MAML1: variants seen among roughly 807,000 people sequenced by gnomAD.
The protein encoded by MAML1 is mastermind-like protein 1.
MAML1 carries 14 observed loss-of-function variants against 77.1 expected under a neutral mutation model. The ratio of observed to expected loss-of-function variants is 0.18; its 90% CI spans 0.12 to 0.28. MAML1 has a LOEUF of 0.28. Ranked by LOEUF, MAML1 falls within the 10% of genes least tolerant of loss-of-function variation. The probability of loss-of-function intolerance (pLI) is 1.00; values close to 1 mark genes in which losing one functional copy is unlikely to be tolerated. For missense variants in MAML1, 1,217 were observed against 1,327.8 expected (o/e 0.92, Z 1.30); for synonymous variants, 516 against 551.9 (o/e 0.93, Z 0.91).
rs996533807 is a variant in MAML1 at position 179,768,782 on chromosome 5, C to G, written c.1732-68C>G. ...GCTTCAAGAGAGTGAACCTTGAATTCACTGGATGGAGCTTATTTGGTCTGA... is the reference window on the plus strand; with the variant it reads ...GCTTCAAGAGAGTGAACCTTGAATTGACTGGATGGAGCTTATTTGGTCTGA... On this transcript the variant is annotated intron_variant, in intron 2 of 4. Transcript: ENST00000292599. 3 of 1,571,836 alleles carry G rather than the reference C, an allele frequency of 1.9e-6. No homozygotes were observed. In the East Asian group the frequency reaches 6.8e-5, roughly 35 times the overall value.
Position 179,765,522 on chromosome 5 carries a change from A to C in MAML1, c.512A>C (p.Asp171Ala). The C allele has an allele frequency of 6.2e-7, 1 of 1,614,000 alleles. No individual in the cohort carries two copies. Among genetic ancestry groups the C allele is most frequent in the Non-Finnish European group, 8.5e-7 (1 of 1,179,964 alleles). The change falls in exon 2 of 5, where the codon GAC becomes GCC. Residue 171 changes from aspartate to alanine, a missense_variant. Physicochemically the swap from Asp to Ala is moderately radical, Grantham distance 126. This residue lies in a region of MAML1 where 312 missense variants were observed against 331.4 expected (regional missense o/e 0.94). Transcript: ENST00000292599. ...LGQSDKPSGA[D>A]ALQSSGKHSL... The stretch of plus-strand genomic sequence containing the variant: ...CAGTCTGACAAGCCTTCTGGAGCCG[A>C]CGCCCTGCAGTCCAGTGGGAAGCAC...
chr5:179,739,798 T>C (rs542515450), intron 1 of MAML1, among the ~76,000 whole-genome samples: 9 of 152,344 alleles, frequency 5.9e-5, no homozygotes, highest in Middle Eastern at 6.8e-3. Flanking sequence ...GTATATATTA[T>C]TGCAAATACT....
At chr5:179,764,596 G>A (rs1345815125) in intron 1 of MAML1, among the ~76,000 whole-genome samples, 1 of 151,742 alleles carries the variant, frequency 6.6e-6, no homozygotes, top group East Asian at 1.9e-4. Context: ...GGAGGCGGAG[G>A]TTGCTGTGAG....
intron 1 of MAML1, among the ~76,000 whole-genome samples, chr5:179,734,531 A>G (rs1779128938): frequency 6.6e-6 from 1 of 152,182 alleles, no homozygotes; most frequent in Admixed American, 6.6e-5. Context: ...GGGTTAGAAG[A>G]AAAAAAACCA....
chr5:179,742,667 C>T (rs1248104699), intron 1 of MAML1, among the ~76,000 whole-genome samples: 3 of 151,828 alleles, frequency 2.0e-5, no homozygotes, highest in Non-Finnish European at 2.9e-5. Context: ...ATTAGCTGGG[C>T]GTGACGGCAC....
At chr5:179,772,674 C>T (rs374182385) in intron 4 of MAML1, among the ~76,000 whole-genome samples, 2 of 152,078 alleles carry the variant, frequency 1.3e-5, no homozygotes, top group Admixed American at 6.5e-5. Flanking sequence ...TAATTTCCTG[C>T]GACTCCTCCC....
chr5:179,740,309 T>C (rs1253368548), intron 1 of MAML1, among the ~76,000 whole-genome samples: 1 of 152,176 alleles, frequency 6.6e-6, no homozygotes, highest in Non-Finnish European at 1.5e-5. Flanking sequence ...TTTGCTCTGC[T>C]GACCAGTCTG....
Position 179,775,888 on chromosome 5 carries a change from AT to A in MAML1, c.*1013del. 2.0e-6 allele frequency: 2 copies of A among 985,634 alleles called. No homozygotes were observed. The highest frequency in any genetic ancestry group is 2.4e-6 in the Non-Finnish European group (2 of 829,938). The allele number at this position is 985,634 out of a possible 1,614,324, so 61.1% of individuals were successfully genotyped here. ...TTGGAGGGAAAGGAAGAGTCTTAGA[AT>A]TCCTAAGGGAACCTTAGCATAAAGG... On this transcript the variant is annotated 3_prime_UTR_variant, in exon 5 of 5. Coordinates refer to ENST00000292599, the MANE Select transcript of MAML1 (RefSeq NM_014757.5).
intron 1 of MAML1, among the ~76,000 whole-genome samples, chr5:179,744,899 T>C (rs1222707115): frequency 6.6e-6 from 1 of 151,914 alleles, no homozygotes; most frequent in Non-Finnish European, 1.5e-5. Context: ...GCATGCATTA[T>C]AAATTTTTTT....
intron 1 of MAML1, among the ~76,000 whole-genome samples, chr5:179,760,067 C>T (rs537948166): frequency 4.6e-5 from 7 of 152,154 alleles, no homozygotes; most frequent in South Asian, 4.1e-4. Flanking sequence ...AGAGGCTGGC[C>T]TCAGCTTTGG....
intron 1 of MAML1, among the ~76,000 whole-genome samples, chr5:179,751,337 G>A (rs549478056): frequency 3.3e-5 from 5 of 152,296 alleles, no homozygotes; most frequent in Non-Finnish European, 7.4e-5. Context: ...TCTTAAGCAC[G>A]TGGAATGCAC....
rs1167333163 is a variant in MAML1 at position 179,775,142 on chromosome 5, T to C, written c.*265T>C. 3 of 1,185,874 alleles carry C rather than the reference T, an allele frequency of 2.5e-6. No individual in the cohort carries two copies. Among genetic ancestry groups the C allele is most frequent in the African/African-American group, 1.6e-5 (1 of 63,462 alleles). The allele number at this position is 1,185,874 out of a possible 1,614,324, so 73.5% of individuals were successfully genotyped here. A position where few individuals can be genotyped will look rare whatever the true frequency, so the allele number is the denominator to read the frequency against. On this transcript the variant is annotated 3_prime_UTR_variant, in exon 5 of 5. Transcript: ENST00000292599. ...CAGCAGGATAGGGTTCTAAAGGTGG[T>C]TTTCTATCCAAACGACCAAAAAACC...
intron 1 of MAML1, among the ~76,000 whole-genome samples, chr5:179,762,846 G>A (rs574448474): frequency 8.5e-5 from 13 of 152,172 alleles, no homozygotes; most frequent in South Asian, 2.1e-4. Context: ...CCCCGTCTAC[G>A]TTATTCCAGT....
chr5:179,745,071 T>G (rs28439165), intron 1 of MAML1, among the ~76,000 whole-genome samples: 3,643 of 151,904 alleles, frequency 0.024, 147 homozygotes, highest in African/African-American at 0.083. Context: ...CCAGCTAATT[T>G]TGTTTTTGTA....
chr5:179,744,982 A>C (rs1779351774), intron 1 of MAML1, among the ~76,000 whole-genome samples: 1 of 151,616 alleles, frequency 6.6e-6, no homozygotes, highest in Non-Finnish European at 1.5e-5. Flanking sequence ...GCTCACTGCA[A>C]GCTCTGCCTC....
chr5:179,766,468 T>C lies in MAML1; in HGVS notation c.1458T>C (p.His486=), dbSNP rs779632008. The change falls in exon 2 of 5, where the codon CAT becomes CAC. Residue 486 remains histidine, a synonymous_variant. Coordinates refer to ENST00000292599, the MANE Select transcript of MAML1 (RefSeq NM_014757.5). This position sits in a 1 kb window ranked among gnomAD's most constrained non-coding sequence, Gnocchi z 4.0. ...RPGGPYLQPS[H]VNLLSHQPPS... is the part of the protein sequence containing the mutation. The stretch of plus-strand genomic sequence containing the variant: ...GAGGCCCCTACCTCCAGCCCAGCCA[T>C]GTGAACCTGCTGAGTCACCAGCCAC... 6.8e-6 allele frequency: 11 copies of C among 1,611,386 alleles called. 1 individual carries two copies. The highest frequency in any genetic ancestry group is 9.3e-6 in the Non-Finnish European group (11 of 1,178,850).
intron 1 of MAML1, among the ~76,000 whole-genome samples, chr5:179,755,188 C>T (rs1779585843): frequency 6.6e-6 from 1 of 152,162 alleles, no homozygotes; most frequent in Non-Finnish European, 1.5e-5. Flanking sequence ...TTCAGGATAA[C>T]CGAACAGCAC....
rs1339260463 is a variant in MAML1, at chr5:179,776,097, CAT to C, written c.*1221_*1222del. ...TGAGGGTCCACGAAATAGAATATGA[CAT>C]GTGAGCTGTTTTTGGAAAACGAAGA... On this transcript the variant is annotated 3_prime_UTR_variant, in exon 5 of 5. Transcript: ENST00000292599. The C allele has an allele frequency of 2.0e-6, 2 of 985,806 alleles. No homozygotes were observed. The highest frequency in any genetic ancestry group is 2.4e-6 in the Non-Finnish European group (2 of 829,958). The allele number at this position is 985,806 out of a possible 1,614,324, so 61.1% of individuals were successfully genotyped here. A position where few individuals can be genotyped will look rare whatever the true frequency, so the allele number is the denominator to read the frequency against.
chr5:179,772,996 T>C (rs1056226583), intron 4 of MAML1, among the ~76,000 whole-genome samples: 3 of 152,192 alleles, frequency 2.0e-5, no homozygotes, highest in Admixed American at 2.0e-4. Context: ...ATTCAAGCAA[T>C]TCTCCTGCCT....
Sources: allele counts gnomAD v4.1 joint callset (sites outside exome capture counted in the v4.1 genomes callset), GRCh38; gene constraint gnomAD v4.1.1; regional missense constraint gnomAD v4.1.1; non-coding constraint Gnocchi (gnomAD v3.1); transcripts MANE v1.5; gene names NCBI Gene and HGNC (gene_info 2026-07-23, HGNC 2026-07-21).